Variants in SPECC1 observed in about 807,000 individuals in gnomAD.
SPECC1 encodes cytospin-B.
Under a neutral mutation model 104.1 loss-of-function variants are expected in SPECC1, and 62 were observed. That is an observed-to-expected ratio of 0.60 (90% CI 0.49 to 0.74). The LOEUF (loss-of-function observed/expected upper bound fraction) is 0.74. Ranked by LOEUF, SPECC1 falls within the 30% of genes least tolerant of loss-of-function variation. The pLI is 0.00. For synonymous variants in SPECC1, 513 were observed against 501.6 expected, an observed-to-expected ratio of 1.02 and a Z score of -0.30; for missense variants, 1,306 against 1,310.5, an observed-to-expected ratio of 1.00 and a Z score of 0.05.
intron 3 of SPECC1, among the ~76,000 whole-genome samples, chr17:20,150,160 A>T (rs1331610533): frequency 1.1e-4 from 16 of 150,536 alleles, no homozygotes; most frequent in Non-Finnish European, 2.1e-4. Flanking sequence ...TTTTTTTTTT[A>T]GTATAGTAGA....
At chr17:20,033,033 C>A (rs1203615523) in intron 1 of SPECC1, among the ~76,000 whole-genome samples, 1 of 150,794 alleles carries the variant, frequency 6.6e-6, no homozygotes, top group African/African-American at 2.4e-5. Context: ...GGCGTGATCT[C>A]GGCTCACTGC....
intron 1 of SPECC1, among the ~76,000 whole-genome samples, chr17:20,085,794 C>T (rs752925986): frequency 3.3e-5 from 5 of 152,148 alleles, no homozygotes; most frequent in Non-Finnish European, 5.9e-5. Flanking sequence ...TGAGCAATGG[C>T]GGACTCCCGC....
Position 20,316,107 on chromosome 17 carries a change from CAT to C in SPECC1, c.*2044_*2045del. 1 of 231,938 alleles carries C rather than the reference CAT, an allele frequency of 4.3e-6. No homozygotes were observed. The highest frequency in any genetic ancestry group is 8.5e-6 in the Non-Finnish European group (1 of 117,200). The allele number at this position is 231,938 out of a possible 1,614,324, so 14.4% of individuals were successfully genotyped here. ...CTTTGTATTTAAATGAAACTCGACA[CAT>C]AGAACCAATTCAACCTGAAAGTTAC... is the stretch of plus-strand genomic sequence containing the variant. On this transcript the variant is annotated 3_prime_UTR_variant, in exon 15 of 15. Coordinates refer to ENST00000395527, the MANE Select transcript of SPECC1 (RefSeq NM_001243439.2).
At chr17:20,060,134 T>C (rs1288822371) in intron 1 of SPECC1, among the ~76,000 whole-genome samples, 1 of 152,234 alleles carries the variant, frequency 6.6e-6, no homozygotes. Flanking sequence ...TATGTGTTTG[T>C]ACCTTTTTTT....
At position 20,039,380 on chromosome 17, in the gene SPECC1, C is replaced by T. The variant is rs533998590; in HGVS notation, c.-22+29956C>T. Among the ~76,000 whole-genome samples, 9 of 152,160 alleles carry T rather than the reference C, an allele frequency of 5.9e-5. No individual in the cohort carries two copies. The East Asian group carries it at 7.7e-4, about 13-fold the overall frequency. ...TCTCCAAGCAGAATGATTGATTTGC[C>T]TGCTTTTCTTTCAGGATCTTTTCTT... On this transcript the variant is annotated intron_variant, in intron 1 of 14. Coordinates refer to ENST00000395527, the MANE Select transcript of SPECC1 (RefSeq NM_001243439.2).
At chr17:20,237,013 C>A in intron 7 of SPECC1, 1 of 1,556,196 alleles carries the variant, frequency 6.4e-7, no homozygotes. Context: ...CTCCTTGTGA[C>A]ATTCTCTGTT....
intron 1 of SPECC1, among the ~76,000 whole-genome samples, chr17:20,016,953 C>A (rs2044157971): frequency 6.6e-6 from 1 of 152,210 alleles, no homozygotes; most frequent in Non-Finnish European, 1.5e-5. Flanking sequence ...CCAGTCAGCA[C>A]CCTGTGTCTA....
chr17:20,174,462 A>G (rs967037728), intron 3 of SPECC1, among the ~76,000 whole-genome samples: 1 of 152,054 alleles, frequency 6.6e-6, no homozygotes, highest in East Asian at 1.9e-4. Flanking sequence ...AACAGTACCA[A>G]TGAGGGGGTG....
chr17:20,034,330 C>T (rs1291636434), intron 1 of SPECC1, among the ~76,000 whole-genome samples: 1 of 151,956 alleles, frequency 6.6e-6, no homozygotes, highest in Non-Finnish European at 1.5e-5. Flanking sequence ...AACTCCTGAC[C>T]GTGTGATCCA....
chr17:20,288,240 C>T (rs1288764067), intron 12 of SPECC1, among the ~76,000 whole-genome samples: 1 of 152,056 alleles, frequency 6.6e-6, no homozygotes. Context: ...GTGAATGGTG[C>T]TGCAGTGGAC....
intron 7 of SPECC1, among the ~76,000 whole-genome samples, chr17:20,242,707 T>G (rs899080272): frequency 2.0e-5 from 3 of 152,230 alleles, no homozygotes; most frequent in African/African-American, 7.2e-5. Flanking sequence ...ATTTGAGAAA[T>G]GCGTGGCCAG....
At chr17:20,119,023 G>T (rs1179419582) in intron 3 of SPECC1, among the ~76,000 whole-genome samples, 1 of 152,112 alleles carries the variant, frequency 6.6e-6, no homozygotes, top group Admixed American at 6.5e-5. Flanking sequence ...TCCTTTATTT[G>T]TCAAAGGAAG....
chr17:20,062,178 G>A (rs1421788608), intron 1 of SPECC1, among the ~76,000 whole-genome samples: 1 of 151,436 alleles, frequency 6.6e-6, no homozygotes, highest in Admixed American at 6.6e-5. Context: ...GCGTGAACCT[G>A]GGAGGCAGAG....
chr17:20,074,412 C>T (rs2046676678), intron 1 of SPECC1, among the ~76,000 whole-genome samples: 1 of 152,196 alleles, frequency 6.6e-6, no homozygotes, highest in Non-Finnish European at 1.5e-5. Flanking sequence ...TTTTCCCCCA[C>T]ATCCCATCAC....
intron 12 of SPECC1, among the ~76,000 whole-genome samples, chr17:20,296,554 G>T (rs1055277734): frequency 1.3e-5 from 2 of 152,184 alleles, no homozygotes; most frequent in African/African-American, 4.8e-5. Context: ...CCAATTCTGT[G>T]AAGAAAGTCA....
At chr17:20,273,607 C>T (rs146208794) in intron 12 of SPECC1, among the ~76,000 whole-genome samples, 155 of 152,264 alleles carry the variant, frequency 1.0e-3, no homozygotes, top group African/African-American at 2.7e-3. Context: ...GAAGAGAGAA[C>T]GTTTGGAGCT....
intron 1 of SPECC1, among the ~76,000 whole-genome samples, chr17:20,066,728 A>G (rs1256808429): frequency 6.7e-6 from 1 of 149,966 alleles, no homozygotes; most frequent in Admixed American, 6.7e-5. Flanking sequence ...GTCAGGATAC[A>G]TAATTGTTGT....
Position 20,274,997 on chromosome 17 carries a change from C to CTATT in SPECC1, c.2940+14706_2940+14707insTTAT, listed in dbSNP as rs544717921. Among the ~76,000 whole-genome samples the CTATT allele has an allele frequency of 1.4e-3, 218 of 150,720 alleles. 1 individual carries two copies. The highest frequency in any genetic ancestry group is 5.3e-3 in the African/African-American group (213 of 40,370). On this transcript the variant is annotated intron_variant, in intron 12 of 14. Coordinates refer to ENST00000395527, the MANE Select transcript of SPECC1 (RefSeq NM_001243439.2). ...CTTGTATTGTTTTGTGATAAATACT[C>CTATT]TATCAACTAAAGGAAGCTTGCATCT... is the stretch of plus-strand genomic sequence containing the variant.
At chr17:20,114,427 T>C (rs1452526105) in intron 3 of SPECC1, among the ~76,000 whole-genome samples, 2 of 152,080 alleles carry the variant, frequency 1.3e-5, no homozygotes, top group Non-Finnish European at 2.9e-5. Context: ...ACTGACCTTG[T>C]GATCCACCTG....
Sources: gnomAD v4.1 joint callset for allele counts (sites outside exome capture counted in the v4.1 genomes callset) on GRCh38, gnomAD v4.1.1 for gene constraint, MANE v1.5 for transcripts, NCBI Gene and HGNC (gene_info 2026-07-23, HGNC 2026-07-21) for gene names.